Variants in LHPP observed in about 807,000 individuals in gnomAD.
LHPP encodes phospholysine phosphohistidine inorganic pyrophosphate phosphatase, also known as hLHPP.
A neutral mutation model predicts 30.3 loss-of-function variants in LHPP; 24 were observed. That is an observed-to-expected ratio of 0.79 (90% CI 0.57 to 1.11). LHPP has a LOEUF of 1.11. LHPP is among the 50% of genes most tolerant of loss of function. LHPP has a pLI of 0.00. For synonymous variants in LHPP, 150 were observed against 157.1 expected (o/e 0.95, Z 0.34); for missense variants, 356 against 367.2 (o/e 0.97, Z 0.25).
At chr10:124,565,931 T>C (rs1385392617) in intron 6 of LHPP, among the ~76,000 whole-genome samples, 1 of 152,172 alleles carries the variant, frequency 6.6e-6, no homozygotes, top group East Asian at 1.9e-4. Flanking sequence ...CCTCAGAAAC[T>C]GGAGAAGACC....
At chr10:124,488,080 A>C (rs530108936) in intron 2 of LHPP, among the ~76,000 whole-genome samples, 1 of 152,152 alleles carries the variant, frequency 6.6e-6, no homozygotes, top group African/African-American at 2.4e-5. Context: ...GCAGGCTCTC[A>C]GTGTCTTCTG....
At chr10:124,552,116 G>C (rs921831061) in intron 6 of LHPP, among the ~76,000 whole-genome samples, 1 of 152,058 alleles carries the variant, frequency 6.6e-6, no homozygotes, top group South Asian at 2.1e-4. Flanking sequence ...GGCACTCCAG[G>C]CTGCCCCTGC....
At chr10:124,513,736 G>C (rs1171329663) in intron 5 of LHPP, among the ~76,000 whole-genome samples, 1 of 150,398 alleles carries the variant, frequency 6.6e-6, no homozygotes, top group Non-Finnish European at 1.5e-5. Flanking sequence ...GATTATAGGT[G>C]TGTGCTACCA....
chr10:124,530,215 C>G (rs1954859386), intron 6 of LHPP, among the ~76,000 whole-genome samples: 1 of 152,186 alleles, frequency 6.6e-6, no homozygotes. Flanking sequence ...CGCCTCCTGC[C>G]TCCCGCCCCA....
In LHPP at chr10:124,496,997, C is replaced by T. The variant is rs1476673270; in HGVS notation, c.504C>T (p.Asp168=). Residue 168 remains aspartate, a synonymous_variant, in exon 4 of 7, where the codon GAC becomes GAT. Coordinates refer to ENST00000368842, the MANE Select transcript of LHPP (RefSeq NM_022126.4). This position sits in a 1 kb window ranked among gnomAD's most constrained non-coding sequence, Gnocchi z 4.3. ...YYKETSGLML[D]VGPYMKALEY... Reference sequence around the variant, plus strand: ...AGGAGACCTCTGGCCTGATGCTGGACGTTGGTCCCTACATGAAGGCGCTTG... The same window carrying T: ...AGGAGACCTCTGGCCTGATGCTGGATGTTGGTCCCTACATGAAGGCGCTTG... 3 of 1,614,120 alleles carry T rather than the reference C, an allele frequency of 1.9e-6. No individual in the cohort carries two copies. Among genetic ancestry groups the T allele is most frequent in the African/African-American group, 1.3e-5 (1 of 75,062 alleles).
chr10:124,462,105 T>A, intron 1 of LHPP, 118 bp downstream of exon 1: 1 of 965,526 alleles, frequency 1.0e-6, no homozygotes, highest in Non-Finnish European at 1.3e-6. Flanking sequence ...CCCGCCTCGG[T>A]CTCCCCCTTC....
At chr10:124,573,782 T>A (rs1262648413) in intron 6 of LHPP, among the ~76,000 whole-genome samples, 1 of 152,084 alleles carries the variant, frequency 6.6e-6, no homozygotes, top group African/African-American at 2.4e-5. Flanking sequence ...CCAGGTGAGA[T>A]CATGGACTTG....
rs1010796614 is a variant in LHPP at position 124,590,758 on chromosome 10, C to T, written c.717-22506C>T. On this transcript the variant is annotated intron_variant, in intron 6 of 6. Coordinates refer to ENST00000368842, the MANE Select transcript of LHPP (RefSeq NM_022126.4). The surrounding 1 kb of genome is among the most constrained non-coding windows in gnomAD (Gnocchi z 4.3). ...TGCCTCCTCTGCCACCGAGGGAAGCCATGTCGCCTTCCTGAGCCTGCTTCT... is the reference window on the plus strand; with the variant it reads ...TGCCTCCTCTGCCACCGAGGGAAGCTATGTCGCCTTCCTGAGCCTGCTTCT... 2.6e-5 allele frequency among the ~76,000 whole-genome samples: 4 copies of T among 152,234 alleles called. No individual in the cohort carries two copies. The highest frequency in any genetic ancestry group is 9.6e-5 in the African/African-American group (4 of 41,472).
At chr10:124,503,246 A>G (rs111718218) in intron 5 of LHPP, among the ~76,000 whole-genome samples, 49 of 151,188 alleles carry the variant, frequency 3.2e-4, no homozygotes, top group African/African-American at 1.0e-3. Context: ...TTGTGTTTTT[A>G]GTAGAGACGG....
chr10:124,469,453 G>T (rs1952663048), intron 1 of LHPP, among the ~76,000 whole-genome samples: 1 of 152,062 alleles, frequency 6.6e-6, no homozygotes, highest in Non-Finnish European at 1.5e-5. Flanking sequence ...AGGGAGGCCT[G>T]TCGTGCGCCA....
At chr10:124,573,863 G>A (rs371722733) in intron 6 of LHPP, among the ~76,000 whole-genome samples, 1 of 152,156 alleles carries the variant, frequency 6.6e-6, no homozygotes, top group African/African-American at 2.4e-5. Flanking sequence ...GCTGTGGGGG[G>A]ATGCAGCTTG....
intron 6 of LHPP, among the ~76,000 whole-genome samples, chr10:124,537,898 C>G (rs1002884694): frequency 6.6e-6 from 1 of 152,224 alleles, no homozygotes; most frequent in African/African-American, 2.4e-5. Context: ...ACAGGGCCCA[C>G]GAGTGTGCTG....
chr10:124,577,453 AG>A (rs1395975188), intron 6 of LHPP, among the ~76,000 whole-genome samples: 1 of 152,230 alleles, frequency 6.6e-6, no homozygotes, highest in Non-Finnish European at 1.5e-5. Flanking sequence ...ATAAACTGTC[AG>A]TTGAGACTCT....
intron 3 of LHPP, among the ~76,000 whole-genome samples, chr10:124,491,819 G>A (rs1352781097): frequency 1.3e-5 from 2 of 152,190 alleles, no homozygotes; most frequent in Admixed American, 6.5e-5. Flanking sequence ...CAGCTACTCG[G>A]GAGGCTGACG....
chr10:124,522,488 G>A (rs953247520), intron 6 of LHPP, among the ~76,000 whole-genome samples: 1 of 152,204 alleles, frequency 6.6e-6, no homozygotes. Flanking sequence ...GCCGTGAGAG[G>A]CTTTTTCAGA....
Position 124,545,471 on chromosome 10 carries a change from C to G in LHPP, c.716+28200C>G, listed in dbSNP as rs547874535. 2.6e-5 allele frequency among the ~76,000 whole-genome samples: 4 copies of G among 152,358 alleles called. No individual in the cohort carries two copies. In the East Asian group the frequency reaches 7.7e-4, roughly 29 times the overall value. ...GCAGCCCATGCACCCAGGCAGGAAGCTGCTTTGTGCAGGAGGGTCTTTGTG... is the reference window on the plus strand; with the variant it reads ...GCAGCCCATGCACCCAGGCAGGAAGGTGCTTTGTGCAGGAGGGTCTTTGTG... On this transcript the variant is annotated intron_variant, in intron 6 of 6. Coordinates refer to ENST00000368842, the MANE Select transcript of LHPP (RefSeq NM_022126.4).
chr10:124,531,191 A>G (rs931887208), intron 6 of LHPP, among the ~76,000 whole-genome samples: 1 of 151,980 alleles, frequency 6.6e-6, no homozygotes, highest in Non-Finnish European at 1.5e-5. Context: ...AGTCCTCCCA[A>G]TTGCAAGGGC....
chr10:124,533,356 G>A (rs937178446), intron 6 of LHPP, among the ~76,000 whole-genome samples: 2 of 152,218 alleles, frequency 1.3e-5, no homozygotes, highest in African/African-American at 4.8e-5. Context: ...AGTTGGGGGC[G>A]GCAGGGGCGT....
intron 6 of LHPP, among the ~76,000 whole-genome samples, chr10:124,601,305 C>T (rs1009331356): frequency 1.3e-5 from 2 of 152,188 alleles, no homozygotes; most frequent in Admixed American, 6.5e-5. Flanking sequence ...CATGGTTTGT[C>T]GGCCCATATT....
Sources: allele counts gnomAD v4.1 joint callset (sites outside exome capture counted in the v4.1 genomes callset), GRCh38; gene constraint gnomAD v4.1.1; non-coding constraint Gnocchi (gnomAD v3.1); transcripts MANE v1.5; gene names NCBI Gene and HGNC (gene_info 2026-07-23, HGNC 2026-07-21).